FAM114A1: variants seen among roughly 807,000 people sequenced by gnomAD.
FAM114A1 encodes the protein protein NOXP20.
Under a neutral mutation model 64.3 loss-of-function variants are expected in FAM114A1, and 62 were observed. That is an observed-to-expected ratio of 0.96 (90% CI 0.79 to 1.19). FAM114A1 has a LOEUF of 1.19. Among genes scored for constraint, FAM114A1 ranks in the 50% most tolerant of loss-of-function variants. FAM114A1 has a pLI of 0.00. For synonymous variants in FAM114A1, 254 were observed against 251.1 expected, an observed-to-expected ratio of 1.01 and a Z score of -0.11; for missense variants, 645 against 676.3, an observed-to-expected ratio of 0.95 and a Z score of 0.51.
intron 4 of FAM114A1, among the ~76,000 whole-genome samples, chr4:38,896,484 C>G (rs1716953435): frequency 6.6e-6 from 1 of 152,186 alleles, no homozygotes; most frequent in Non-Finnish European, 1.5e-5. Context: ...CATGGGTTCC[C>G]AGGCTGGAAA....
At chr4:38,919,532 T>C (rs948493340) in intron 8 of FAM114A1, among the ~76,000 whole-genome samples, 2 of 152,176 alleles carry the variant, frequency 1.3e-5, no homozygotes, top group African/African-American at 4.8e-5. Context: ...GAGGGACCCT[T>C]TGGTGACCTG....
chr4:38,921,710 A>C (rs1180203686), intron 8 of FAM114A1, among the ~76,000 whole-genome samples: 2 of 152,206 alleles, frequency 1.3e-5, no homozygotes, highest in Non-Finnish European at 2.9e-5. Context: ...GGGGAAGGAC[A>C]GTGCCCTTCC....
chr4:38,900,894 A>C (rs925011096), intron 4 of FAM114A1, among the ~76,000 whole-genome samples: 1 of 152,090 alleles, frequency 6.6e-6, no homozygotes, highest in Admixed American at 6.6e-5. Context: ...TCTCTGAACT[A>C]TTCAGGTAGG....
chr4:38,902,567 A>G (rs1159341990), intron 4 of FAM114A1, among the ~76,000 whole-genome samples: 1 of 152,174 alleles, frequency 6.6e-6, no homozygotes, highest in Non-Finnish European at 1.5e-5. Flanking sequence ...ATCATTCAGC[A>G]TTTATTTTAA....
At chr4:38,926,893 C>T (rs1049885517) in intron 9 of FAM114A1, among the ~76,000 whole-genome samples, 2 of 152,110 alleles carry the variant, frequency 1.3e-5, no homozygotes, top group African/African-American at 4.8e-5. Context: ...CTGCTTCACA[C>T]CCCTCTGAGA....
At chr4:38,928,370 T>G (rs1720335148) in intron 9 of FAM114A1, among the ~76,000 whole-genome samples, 1 of 152,238 alleles carries the variant, frequency 6.6e-6, no homozygotes, top group African/African-American at 2.4e-5. Flanking sequence ...AAAAATGGCA[T>G]GGCCTTGCAG....
chr4:38,928,311 G>A (rs1233009588), intron 9 of FAM114A1, among the ~76,000 whole-genome samples: 3 of 152,042 alleles, frequency 2.0e-5, no homozygotes, highest in Non-Finnish European at 4.4e-5. Flanking sequence ...CCCCCAAACT[G>A]GTAATAAATC....
rs199864366 is a variant in FAM114A1 at position 38,922,823 on chromosome 4, T to C, written c.999T>C (p.Asn333=). 19 of 1,613,646 alleles carry C rather than the reference T, an allele frequency of 1.2e-5. No homozygotes were observed. Among genetic ancestry groups the C allele is most frequent in the Non-Finnish European group, 1.5e-5 (18 of 1,179,908 alleles). Residue 333 remains asparagine (N), a synonymous_variant, in exon 9 of 15, where the codon AAT becomes AAC. Coordinates refer to ENST00000358869, the MANE Select transcript of FAM114A1 (RefSeq NM_138389.4). ...LDGEKLELLK[N]DLISIKDIFA... is the part of the protein sequence containing the mutation. ...GAGAGAAGCTGGAACTCTTAAAAAA[T>C]GACCTAATTTCCATTAAAGACATCT...
intron 4 of FAM114A1, among the ~76,000 whole-genome samples, chr4:38,903,329 G>A (rs1196799636): frequency 6.6e-6 from 1 of 152,176 alleles, no homozygotes; most frequent in Non-Finnish European, 1.5e-5. Context: ...TAACCTGCAA[G>A]GGACGGAGAA....
chr4:38,899,370 G>A (rs1471366323), intron 4 of FAM114A1, among the ~76,000 whole-genome samples: 1 of 152,044 alleles, frequency 6.6e-6, no homozygotes, highest in African/African-American at 2.4e-5. Context: ...CTCCCTCATT[G>A]ACCAGTCACT....
At chr4:38,913,866 G>A (rs140701626) in intron 7 of FAM114A1, among the ~76,000 whole-genome samples, 2,228 of 152,082 alleles carry the variant, frequency 0.015, 14 homozygotes, top group Non-Finnish European at 0.02. Context: ...TGGAGGCCAA[G>A]CTGGGTAGAT....
In FAM114A1 at chr4:38,878,420, T is replaced by C. The variant is rs1714888719; in HGVS notation, c.342T>C (p.Asn114=). 4.4e-6 allele frequency: 7 copies of C among 1,585,912 alleles called. No individual in the cohort carries two copies. Among genetic ancestry groups the C allele is most frequent in the Non-Finnish European group, 4.3e-6 (5 of 1,165,194 alleles). The change falls in exon 3 of 15, where the codon AAT becomes AAC. Residue 114 remains asparagine, a synonymous_variant. Transcript: ENST00000358869. ...PRSEIPLQEQ[N]YLAVDSPPSG... ...CCGAAATACCCCTGCAAGAACAGAA[T>C]TATCTGGTAAGAATGGGTCATTCAA... is the stretch of plus-strand genomic sequence containing the variant.
Position 38,935,753 on chromosome 4 carries a change from T to G in FAM114A1, c.1499T>G (p.Leu500Ter). 6.2e-7 allele frequency: 1 copy of G among 1,612,290 alleles called. No individual in the cohort carries two copies. Among genetic ancestry groups the G allele is most frequent in the Non-Finnish European group, 8.5e-7 (1 of 1,178,642 alleles). Residue 500 changes from leucine to a stop codon, truncating the protein, a stop_gained, in exon 13 of 15, where the codon TTA (leucine) becomes TGA (stop). Transcript: ENST00000358869. LOFTEE classifies it high-confidence loss of function. ...GCAATGTGCAATGAAGTGGCCTCTT[T>G]ATCAAAGAAGTTTACGAATTCTTTA... ...TTAMCNEVAS[L>*]SKKFTNSLTT...
chr4:38,882,447 T>C (rs1048019356), intron 3 of FAM114A1, among the ~76,000 whole-genome samples: 31 of 150,680 alleles, frequency 2.1e-4, no homozygotes, highest in African/African-American at 7.1e-4. Context: ...CTGACCAATA[T>C]GGAGAAACCC....
chr4:38,893,914 G>A (rs868663686), intron 4 of FAM114A1, among the ~76,000 whole-genome samples: 14 of 152,214 alleles, frequency 9.2e-5, no homozygotes, highest in Middle Eastern at 3.4e-3. Context: ...TGTAATCCCG[G>A]CACTTTGGGA....
intron 4 of FAM114A1, among the ~76,000 whole-genome samples, chr4:38,895,158 G>T (rs1716798136): frequency 6.6e-6 from 1 of 152,174 alleles, no homozygotes; most frequent in Non-Finnish European, 1.5e-5. Flanking sequence ...CGAAGATGAG[G>T]CCAGTGGCTC....
chr4:38,935,548 T>C (rs1365346719), intron 12 of FAM114A1, among the ~76,000 whole-genome samples, 170 bp from the exon 13 acceptor site: 1 of 152,220 alleles, frequency 6.6e-6, no homozygotes, highest in African/African-American at 2.4e-5. Context: ...TTGCGAATCA[T>C]GGAAGATGAT....
intron 2 of FAM114A1, among the ~76,000 whole-genome samples, chr4:38,875,196 T>C (rs1253119885): frequency 6.6e-6 from 1 of 152,116 alleles, no homozygotes; most frequent in East Asian, 1.9e-4. Flanking sequence ...AATATTTTTT[T>C]CTAATTCTAT....
intron 8 of FAM114A1, among the ~76,000 whole-genome samples, chr4:38,918,275 CAGTA>C (rs1434624534): frequency 6.6e-6 from 1 of 152,064 alleles, no homozygotes; most frequent in Non-Finnish European, 1.5e-5. Context: ...GGGTCAAAAA[CAGTA>C]AGAGTTATTC....
Sources: gnomAD v4.1 joint callset for allele counts (sites outside exome capture counted in the v4.1 genomes callset) on GRCh38, gnomAD v4.1.1 for gene constraint, MANE v1.5 for transcripts, NCBI Gene and HGNC (gene_info 2026-07-23, HGNC 2026-07-21) for gene names.